Variants in NFU1 observed in about 807,000 individuals in gnomAD.
NFU1 encodes NFU1 iron-sulfur cluster scaffold homolog, mitochondrial.
Under a neutral mutation model 32.2 loss-of-function variants are expected in NFU1, and 30 were observed. The ratio of observed to expected loss-of-function variants is 0.93; its 90% CI spans 0.70 to 1.26. NFU1 has a LOEUF of 1.26. Among genes scored for constraint, NFU1 ranks in the 50% most tolerant of loss-of-function variants. The probability of loss-of-function intolerance (pLI) is 0.00; values close to 1 mark genes in which losing one functional copy is unlikely to be tolerated. For missense variants in NFU1, 306 were observed against 306.6 expected (o/e 1.00, Z 0.02); for synonymous variants, 112 against 104.6 (o/e 1.07, Z -0.43).
intron 2 of NFU1, among the ~76,000 whole-genome samples, chr2:69,425,799 T>G (rs1441247634): frequency 6.6e-6 from 1 of 152,078 alleles, no homozygotes; most frequent in Non-Finnish European, 1.5e-5. Flanking sequence ...GTGCTTTACA[T>G]GTATTTATGC....
intron 4 of NFU1, chr2:69,416,169 T>A (rs1036877686): frequency 1.3e-5 from 2 of 151,268 alleles, no homozygotes; most frequent in Non-Finnish European, 2.9e-5. Flanking sequence ...ACTATACCTA[T>A]GCAATGGCAA....
chr2:69,398,441 G>A (rs571487983), intron 7 of NFU1, among the ~76,000 whole-genome samples: 1 of 152,282 alleles, frequency 6.6e-6, no homozygotes, highest in East Asian at 1.9e-4. Flanking sequence ...CTGCCACATT[G>A]ACTACCCTCA....
At position 69,405,886 on chromosome 2, in the gene NFU1, G is replaced by T; in HGVS notation, c.545+136C>A. On this transcript the variant is annotated intron_variant, in intron 6 of 7. Coordinates refer to ENST00000410022, the MANE Select transcript of NFU1 (RefSeq NM_001002755.4). ...ACAGGCTTTAAATTCAATTGTCACGGCTACCTGTTGTGGTTTACATTAACT... is the reference window on the plus strand; with the variant it reads ...ACAGGCTTTAAATTCAATTGTCACGTCTACCTGTTGTGGTTTACATTAACT... 24 of 647,876 alleles carry T rather than the reference G, an allele frequency of 3.7e-5. No individual in the cohort carries two copies. The South Asian group carries it at 4.1e-4, about 11-fold the overall frequency. The allele number at this position is 647,876 out of a possible 1,614,324, so 40.1% of individuals were successfully genotyped here.
At position 69,396,289 on chromosome 2, in the gene NFU1, A is replaced by C. The variant is rs1361143939; in HGVS notation, c.722T>G (p.Val241Gly). 6.3e-7 allele frequency: 1 copy of C among 1,595,702 alleles called. No individual in the cohort carries two copies. Among genetic ancestry groups the C allele is most frequent in the East Asian group, 2.2e-5 (1 of 44,706 alleles). The change falls in exon 8 of 8, where the codon GTT (valine) becomes GGT (glycine). Residue 241 changes from valine to glycine, a missense_variant and splice_region_variant. Coordinates refer to ENST00000410022, the MANE Select transcript of NFU1 (RefSeq NM_001002755.4). The part of the protein sequence containing the change: ...YIPEVEGVEQ[V>G]MDDESDEKEA... ...TTTTTCATCTGATTCATCATCCATA[A>C]CCTAAAACCAAAAAACAAAGACAAT...
intron 2 of NFU1, among the ~76,000 whole-genome samples, chr2:69,424,217 A>ATCTCTCTCTC (rs1381979003): frequency 1.5e-4 from 20 of 130,566 alleles, no homozygotes; most frequent in African/African-American, 5.7e-4. Context: ...ATATATATAT[A>ATCTCTCTCTC]TATCTCAATA....
chr2:69,437,229 C>G lies in NFU1; in HGVS notation c.62+132G>C, dbSNP rs376308171. The G allele has an allele frequency of 3.8e-4, 568 of 1,475,632 alleles. 5 individuals are homozygous for G. In the East Asian group the frequency reaches 0.014, roughly 36 times the overall value. The allele number at this position is 1,475,632 out of a possible 1,614,324, so 91.4% of individuals were successfully genotyped here. A position where few individuals can be genotyped will look rare whatever the true frequency, so the allele number is the denominator to read the frequency against. ...CCTCAGGGCTCACCCCCAACTACGG[C>G]GACAGGGCGGACCCGCCGGCTCCAT... On this transcript the variant is annotated intron_variant, in intron 1 of 7. Coordinates refer to ENST00000410022, the MANE Select transcript of NFU1 (RefSeq NM_001002755.4).
intron 7 of NFU1, among the ~76,000 whole-genome samples, chr2:69,399,623 A>G (rs1484166656): frequency 6.6e-6 from 1 of 152,066 alleles, no homozygotes; most frequent in African/African-American, 2.4e-5. Flanking sequence ...TACAAAAAAA[A>G]AAAAAAAAAA....
chr2:69,402,641 G>C lies in NFU1; in HGVS notation c.546-2103C>G, dbSNP rs547560276. Among the ~76,000 whole-genome samples the C allele has an allele frequency of 3.3e-5, 5 of 151,808 alleles. No individual in the cohort carries two copies. The East Asian group carries it at 9.8e-4, about 30-fold the overall frequency. On this transcript the variant is annotated intron_variant, in intron 6 of 7. Coordinates refer to ENST00000410022, the MANE Select transcript of NFU1 (RefSeq NM_001002755.4). ...TTGTTGCCCAGGCTGGAGTGCAATG[G>C]CTCGATCTCGGCTCACTGTAACCTC...
intron 5 of NFU1, among the ~76,000 whole-genome samples, chr2:69,406,390 T>G (rs1368276210): frequency 6.6e-6 from 1 of 151,598 alleles, no homozygotes; most frequent in Admixed American, 6.6e-5. Context: ...ATGCAGACAT[T>G]CTCTGTTCTC....
rs746094022 is a variant in NFU1 at position 69,437,406 on chromosome 2, C to T, written c.17G>A (p.Arg6Lys). The T allele has an allele frequency of 4.6e-4, 745 of 1,610,658 alleles. No individual in the cohort carries two copies. The highest frequency in any genetic ancestry group is 5.9e-4 in the Non-Finnish European group (699 of 1,179,594). The change falls in exon 1 of 8, where the codon AGG becomes AAG. Residue 6 changes from arginine (R) to lysine (K), a missense_variant. Transcript: ENST00000410022. ...AACAGCCGCAGCTCCCCAGCCCCGC[C>T]TGGCCGTCGCCGCCATCTTAGTCCG... MAATA[R>K]RGWGAAAVAA... is the part of the protein sequence containing the mutation.
intron 5 of NFU1, among the ~76,000 whole-genome samples, chr2:69,411,599 A>AT (rs892993774): frequency 1.3e-5 from 2 of 151,316 alleles, no homozygotes; most frequent in African/African-American, 4.9e-5. Context: ...GAGACTTTTT[A>AT]TTTTTTTTTA....
At chr2:69,413,961 C>T (rs1329397094) in intron 5 of NFU1, among the ~76,000 whole-genome samples, 6 of 151,792 alleles carry the variant, frequency 4.0e-5, no homozygotes, top group South Asian at 2.1e-4. Flanking sequence ...GCAGGAGAAT[C>T]ACTGGAACCC....
chr2:69,400,035 G>C (rs980466914), intron 7 of NFU1, among the ~76,000 whole-genome samples: 3 of 152,116 alleles, frequency 2.0e-5, no homozygotes, highest in African/African-American at 7.2e-5. Context: ...ACCATGCCCA[G>C]CTAATTTTGT....
intron 1 of NFU1, among the ~76,000 whole-genome samples, chr2:69,434,006 G>A (rs1187937306): frequency 6.7e-6 from 1 of 149,620 alleles, no homozygotes; most frequent in East Asian, 2.0e-4. Context: ...CTGATCTCCA[G>A]CTCCTGGCTC....
intron 6 of NFU1, among the ~76,000 whole-genome samples, chr2:69,402,415 C>T (rs1192496919): frequency 6.6e-6 from 1 of 152,100 alleles, no homozygotes; most frequent in Non-Finnish European, 1.5e-5. Flanking sequence ...CTACCTAAAA[C>T]TCCTAAGCTC....
In NFU1 at chr2:69,400,543, G is replaced by A. The variant is rs1348517700; in HGVS notation, c.546-5C>T. On this transcript the variant is annotated splice_polypyrimidine_tract_variant and splice_region_variant and intron_variant, in intron 6 of 7. Transcript: ENST00000410022. ...CCATCTTCCTGCACAGTTGGCCTGT[G>A]AGGTCAAAGAATATTTATGACATAT... 3 of 1,613,026 alleles carry A rather than the reference G, an allele frequency of 1.9e-6. No individual in the cohort carries two copies. Among genetic ancestry groups the A allele is most frequent in the Non-Finnish European group, 2.5e-6 (3 of 1,179,138 alleles).
chr2:69,419,360 A>C (rs1375248145), intron 4 of NFU1, among the ~76,000 whole-genome samples, 178 bp downstream of exon 4: 1 of 152,130 alleles, frequency 6.6e-6, no homozygotes, highest in African/African-American at 2.4e-5. Context: ...AAAGAAAAAC[A>C]TAGCATATTT....
At chr2:69,435,633 C>T (rs748797743) in intron 1 of NFU1, among the ~76,000 whole-genome samples, 3 of 152,088 alleles carry the variant, frequency 2.0e-5, no homozygotes, top group Admixed American at 2.0e-4. Context: ...GGATTGGCAC[C>T]GAGGATTCAA....
intron 2 of NFU1, among the ~76,000 whole-genome samples, chr2:69,429,284 C>G (rs915298538): frequency 6.6e-6 from 1 of 152,176 alleles, no homozygotes; most frequent in African/African-American, 2.4e-5. Flanking sequence ...CTGGCTTCAA[C>G]TGGGTGCATC....
Sources: allele counts gnomAD v4.1 joint callset (sites outside exome capture counted in the v4.1 genomes callset), GRCh38; gene constraint gnomAD v4.1.1; transcripts MANE v1.5; gene names NCBI Gene and HGNC (gene_info 2026-07-23, HGNC 2026-07-21).